The following TJP1 variants were observed in gnomAD, a reference collection of about 807,000 sequenced individuals.
TJP1 encodes tight junction protein 1.
TJP1 carries 43 observed loss-of-function variants against 194.2 expected under a neutral mutation model. That is an observed-to-expected ratio of 0.22 (90% CI 0.17 to 0.29). TJP1 has a LOEUF of 0.29. TJP1 is among the 10% of genes least tolerant of loss of function. The pLI is 1.00. For missense variants in TJP1, 1,971 were observed against 2,185.7 expected (o/e 0.90, Z 1.96); for synonymous variants, 801 against 779.0 (o/e 1.03, Z -0.47).
At chr15:29,835,891 G>A (rs2051009458) in intron 2 of TJP1, among the ~76,000 whole-genome samples, 1 of 148,858 alleles carries the variant, frequency 6.7e-6, no homozygotes, top group South Asian at 2.1e-4. Context: ...GACGGGGAAA[G>A]AGAGAGAGAG....
intron 8 of TJP1, among the ~76,000 whole-genome samples, chr15:29,754,300 T>C (rs2045500786): frequency 6.6e-6 from 1 of 152,168 alleles, no homozygotes; most frequent in African/African-American, 2.4e-5. Context: ...ATGTTCTCAC[T>C]TGTAAGTGGG....
chr15:29,904,938 G>A (rs2053758104), intron 2 of TJP1, among the ~76,000 whole-genome samples: 2 of 152,188 alleles, frequency 1.3e-5, no homozygotes, highest in African/African-American at 4.8e-5. Flanking sequence ...ACACCAATAG[G>A]AACTGCAGCC....
intron 5 of TJP1, among the ~76,000 whole-genome samples, chr15:29,765,808 C>G (rs2046295381): frequency 6.6e-6 from 1 of 152,140 alleles, no homozygotes; most frequent in African/African-American, 2.4e-5. Context: ...GGGAGGACTG[C>G]TTGAGCCTGG....
intron 2 of TJP1, among the ~76,000 whole-genome samples, chr15:29,834,964 G>A (rs901570405): frequency 1.3e-5 from 2 of 152,182 alleles, no homozygotes; most frequent in African/African-American, 2.4e-5. Context: ...CATGGCGAAG[G>A]CATCAGAAAG....
At chr15:29,861,520 C>A (rs530849961) in intron 2 of TJP1, among the ~76,000 whole-genome samples, 1 of 152,262 alleles carries the variant, frequency 6.6e-6, no homozygotes, top group South Asian at 2.1e-4. Context: ...AGTAGTGGAA[C>A]GCTAGGCATA....
intron 8 of TJP1, chr15:29,743,060 A>G (rs1276434344): frequency 1.3e-5 from 3 of 230,234 alleles, no homozygotes; most frequent in South Asian, 1.8e-4. Context: ...GAGAAGGAAC[A>G]TAACATTTAA....
At chr15:29,882,086 T>C (rs752352960) in intron 2 of TJP1, among the ~76,000 whole-genome samples, 8 of 152,180 alleles carry the variant, frequency 5.3e-5, no homozygotes, top group Admixed American at 2.6e-4. Context: ...CAAATGAATG[T>C]GTTGCTGTGC....
chr15:29,741,864 C>T (rs940936961), intron 9 of TJP1, among the ~76,000 whole-genome samples: 16 of 152,120 alleles, frequency 1.1e-4, no homozygotes, highest in African/African-American at 3.9e-4. Context: ...ACAAAATCTC[C>T]AGGCCTCCCA....
chr15:29,912,992 T>A (rs2054070445), intron 2 of TJP1, among the ~76,000 whole-genome samples: 1 of 151,332 alleles, frequency 6.6e-6, no homozygotes, highest in Non-Finnish European at 1.5e-5. Context: ...AATAGAGGAG[T>A]GATAGTCTCA....
At chr15:29,948,934 T>A (rs1360975989) in intron 2 of TJP1, among the ~76,000 whole-genome samples, 1 of 146,952 alleles carries the variant, frequency 6.8e-6, no homozygotes, top group Non-Finnish European at 1.5e-5. Context: ...CACCACCTCC[T>A]CCTCTTCCAA....
chr15:29,733,023 C>T (rs1171294644), intron 13 of TJP1, 71 bp downstream of exon 13: 3 of 1,511,752 alleles, frequency 2.0e-6, no homozygotes, highest in Non-Finnish European at 2.7e-6. Context: ...ACCAAAATTT[C>T]CCAGTGGGAT....
rs572139685 is a variant in TJP1, at chr15:29,741,775, T to G, written c.1151-339A>C. On this transcript the variant is annotated intron_variant, in intron 9 of 27. Coordinates refer to ENST00000614355, the MANE Select transcript of TJP1 (RefSeq NM_001330239.4). ...CCTTTCCTCATTATGATAAAATGTT[T>G]TTAAATAACCATATTTCTGCCACTC... 3.3e-5 allele frequency among the ~76,000 whole-genome samples: 5 copies of G among 152,318 alleles called. No individual in the cohort carries two copies. In the South Asian group the frequency reaches 1.0e-3, roughly 32 times the overall value.
At chr15:29,922,063 T>C (rs2054382969) in intron 2 of TJP1, among the ~76,000 whole-genome samples, 2 of 152,052 alleles carry the variant, frequency 1.3e-5, no homozygotes. Context: ...ATCAGGCCGG[T>C]CTCAAACTCC....
intron 1 of TJP1, 85 bp downstream of exon 1, chr15:29,821,917 G>A (rs1399430911): frequency 7.8e-6 from 9 of 1,148,466 alleles, no homozygotes; most frequent in Admixed American, 4.8e-5. Context: ...CCGCCAGCGA[G>A]GGAGGGCGGG....
intron 1 of TJP1, among the ~76,000 whole-genome samples, chr15:29,804,002 T>C (rs1882000877): frequency 6.6e-6 from 1 of 151,692 alleles, no homozygotes; most frequent in Admixed American, 6.6e-5. Flanking sequence ...TATAAGTGAG[T>C]TACTATGTTT....
At chr15:29,759,990 T>C (rs2045896735) in intron 8 of TJP1, 1 of 486,148 alleles carries the variant, frequency 2.1e-6, no homozygotes, top group African/African-American at 2.0e-5. Flanking sequence ...GAAGTGGAAT[T>C]GCTGGATCAT....
intron 2 of TJP1, among the ~76,000 whole-genome samples, chr15:29,936,650 A>G (rs552345613): frequency 3.7e-4 from 56 of 152,322 alleles, no homozygotes; most frequent in African/African-American, 1.3e-3. Flanking sequence ...CTCATGTCCA[A>G]TCAGTGTCCT....
intron 1 of TJP1, among the ~76,000 whole-genome samples, chr15:29,967,200 ATTTG>A (rs2056364494): frequency 6.6e-6 from 1 of 151,080 alleles, no homozygotes; most frequent in Non-Finnish European, 1.5e-5. Flanking sequence ...TTTTTGGTTT[ATTTG>A]TTTGTTTATT....
chr15:29,853,875 A>G (rs564470116), intron 2 of TJP1, among the ~76,000 whole-genome samples: 1 of 152,182 alleles, frequency 6.6e-6, no homozygotes, highest in Non-Finnish European at 1.5e-5. Context: ...TCTGCATTAC[A>G]TGGGAATAAA....
Sources: allele counts gnomAD v4.1 joint callset (sites outside exome capture counted in the v4.1 genomes callset), GRCh38; gene constraint gnomAD v4.1.1; transcripts MANE v1.5; gene names NCBI Gene and HGNC (gene_info 2026-07-23, HGNC 2026-07-21).